Variants in NREP observed in about 807,000 individuals in gnomAD.
NREP encodes the protein neuronal regeneration-related protein.
Under a neutral mutation model 8.6 loss-of-function variants are expected in NREP, and 5 were observed. That is an observed-to-expected ratio of 0.58 (90% confidence interval 0.30 to 1.22). The LOEUF (loss-of-function observed/expected upper bound fraction) is 1.22. Among genes scored for constraint, NREP ranks in the 50% most tolerant of loss-of-function variants. The probability of loss-of-function intolerance (pLI) is 0.07; values close to 1 mark genes in which losing one functional copy is unlikely to be tolerated. For missense variants in NREP, 86 were observed against 82.5 expected, an observed-to-expected ratio of 1.04 and a Z score of -0.17; for synonymous variants, 27 against 28.0, an observed-to-expected ratio of 0.96 and a Z score of 0.11.
intron 2 of NREP, among the ~76,000 whole-genome samples, chr5:111,823,818 A>G (rs1487799976): frequency 6.6e-6 from 1 of 152,220 alleles, no homozygotes; most frequent in Non-Finnish European, 1.5e-5. Context: ...TTATTCTAAT[A>G]AAATCATCAC....
At chr5:111,847,308 C>T (rs1561691955) in intron 2 of NREP, among the ~76,000 whole-genome samples, 1 of 152,116 alleles carries the variant, frequency 6.6e-6, no homozygotes, top group Non-Finnish European at 1.5e-5. Flanking sequence ...TTAGTGCATG[C>T]ACAGAGAGAA....
chr5:111,815,557 G>T (rs1023805088), intron 2 of NREP, among the ~76,000 whole-genome samples: 1 of 151,812 alleles, frequency 6.6e-6, no homozygotes, highest in East Asian at 1.9e-4. Context: ...TTTCACCAGT[G>T]AGAGTATCTA....
At chr5:111,948,345 C>T (rs916460794) in intron 2 of NREP, among the ~76,000 whole-genome samples, 15 of 152,126 alleles carry the variant, frequency 9.9e-5, no homozygotes, top group African/African-American at 3.6e-4. Context: ...CCAAGTCTCA[C>T]TGAAATGAAT....
intron 2 of NREP, among the ~76,000 whole-genome samples, chr5:111,815,637 G>T (rs1201234766): frequency 6.6e-6 from 1 of 151,688 alleles, no homozygotes; most frequent in East Asian, 1.9e-4. Context: ...AATAAGACTC[G>T]GCATAAGACT....
intron 2 of NREP, among the ~76,000 whole-genome samples, chr5:111,764,273 G>T (rs75964749): frequency 6.6e-6 from 1 of 152,108 alleles, no homozygotes; most frequent in South Asian, 2.1e-4. Flanking sequence ...GGAAGGAGGG[G>T]GTTGGCCCAA....
chr5:111,888,247 G>A (rs1351689213), intron 2 of NREP, among the ~76,000 whole-genome samples: 1 of 152,134 alleles, frequency 6.6e-6, no homozygotes, highest in Non-Finnish European at 1.5e-5. Flanking sequence ...CTGTGCATTA[G>A]TCTGTTTTCA....
At chr5:111,776,725 T>G (rs1334524668) in intron 2 of NREP, among the ~76,000 whole-genome samples, 2 of 152,168 alleles carry the variant, frequency 1.3e-5, no homozygotes, top group Non-Finnish European at 2.9e-5. Flanking sequence ...AAATGTGGTT[T>G]CATTTATGTG....
rs1754750014 is a variant in NREP at position 111,905,193 on chromosome 5, G to A, written c.135+70081C>T. ...ATTTTCCGTTGACCTCTACACATGG[G>A]TGTACCATAGTTTGTTTTCCATTCA... On this transcript the variant is annotated intron_variant, in intron 2 of 3. Transcript: ENST00000395634. Among the ~76,000 whole-genome samples, 6 of 152,118 alleles carry A rather than the reference G, an allele frequency of 3.9e-5. No individual in the cohort carries two copies. The South Asian group carries it at 1.0e-3, about 26-fold the overall frequency.
At chr5:111,849,295 A>G (rs2112958839) in intron 2 of NREP, among the ~76,000 whole-genome samples, 2 of 152,238 alleles carry the variant, frequency 1.3e-5, no homozygotes, top group South Asian at 4.1e-4. Context: ...TTTCAGAGGC[A>G]CTAGGGAAAA....
At chr5:111,757,233 G>C (rs1226285265), upstream of NREP, 3 of 559,810 alleles carry the variant, frequency 5.4e-6, no homozygotes, top group Non-Finnish European at 6.7e-6. Context: ...ACAGATTGGG[G>C]GGGGAGGGGG....
At chr5:111,800,008 C>G (rs1189319925) in intron 2 of NREP, among the ~76,000 whole-genome samples, 1 of 152,094 alleles carries the variant, frequency 6.6e-6, no homozygotes, top group African/African-American at 2.4e-5. Context: ...CAACCTCCAC[C>G]TCCCAGGTTC....
intron 3 of NREP, chr5:111,732,540 T>C (rs1004369330): frequency 2.0e-5 from 3 of 151,744 alleles, no homozygotes; most frequent in Non-Finnish European, 2.9e-5. Flanking sequence ...AAAAATATAA[T>C]TCACCACTCA....
intron 2 of NREP, among the ~76,000 whole-genome samples, chr5:111,747,027 G>C (rs969514253): frequency 6.6e-6 from 1 of 152,156 alleles, no homozygotes; most frequent in African/African-American, 2.4e-5. Context: ...TCTGGCAAAT[G>C]AGCACAAGAA....
chr5:111,758,026 C>G (rs979045640), upstream of NREP: 7 of 985,392 alleles, frequency 7.1e-6, no homozygotes, highest in East Asian at 1.1e-4. Context: ...CTGAGCGAAG[C>G]AGAAAATGGT....
chr5:111,890,584 C>A (rs1754369957), intron 2 of NREP, among the ~76,000 whole-genome samples: 1 of 152,234 alleles, frequency 6.6e-6, no homozygotes, highest in African/African-American at 2.4e-5. Context: ...CTTTTCCATA[C>A]ATTTTCTAAA....
intron 2 of NREP, among the ~76,000 whole-genome samples, chr5:111,920,173 G>T (rs1183052695): frequency 6.6e-6 from 1 of 152,074 alleles, no homozygotes; most frequent in Non-Finnish European, 1.5e-5. Context: ...TTGGAAAATT[G>T]CCTTTCCCTG....
chr5:111,805,046 G>C (rs1276144757), intron 2 of NREP, among the ~76,000 whole-genome samples: 2 of 152,056 alleles, frequency 1.3e-5, no homozygotes, highest in Non-Finnish European at 2.9e-5. Context: ...TTGGAAAAAT[G>C]GGCATATGAC....
At chr5:111,804,836 C>G (rs1752102441) in intron 2 of NREP, among the ~76,000 whole-genome samples, 1 of 152,064 alleles carries the variant, frequency 6.6e-6, no homozygotes, top group African/African-American at 2.4e-5. Context: ...CCCGTCTCTA[C>G]TAAAAATACA....
At chr5:111,854,289 G>GTTATT (rs754800060) in intron 2 of NREP, among the ~76,000 whole-genome samples, 2 of 152,166 alleles carry the variant, frequency 1.3e-5, no homozygotes, top group Non-Finnish European at 2.9e-5. Flanking sequence ...CATGCTGAGA[G>GTTATT]TTATTAGAGC....
Sources: gnomAD v4.1 joint callset for allele counts (sites outside exome capture counted in the v4.1 genomes callset) on GRCh38, gnomAD v4.1.1 for gene constraint, MANE v1.5 for transcripts, NCBI Gene and HGNC (gene_info 2026-07-23, HGNC 2026-07-21) for gene names.